The following PPP1R9A variants were observed in gnomAD, a reference collection of about 807,000 sequenced individuals.
PPP1R9A encodes the protein neurabin-1.
A neutral mutation model predicts 141.9 loss-of-function variants in PPP1R9A; 59 were observed. That is an observed-to-expected ratio of 0.42 (90% confidence interval 0.34 to 0.52). The LOEUF is 0.52. Ranked by LOEUF, PPP1R9A falls within the 20% of genes least tolerant of loss-of-function variation. The pLI is 0.10. For synonymous variants in PPP1R9A, 500 were observed against 569.7 expected (o/e 0.88, Z 1.74); for missense variants, 1,444 against 1,611.9 (o/e 0.90, Z 1.78).
At chr7:95,161,729 G>A in intron 4 of PPP1R9A, 138 bp from the exon 5 acceptor site, 2 of 565,392 alleles carry the variant, frequency 3.5e-6, no homozygotes, top group South Asian at 5.8e-5. Context: ...AGAACTGACT[G>A]TATGTAAAAG....
intron 2 of PPP1R9A, among the ~76,000 whole-genome samples, chr7:95,002,259 AT>A (rs973254638): frequency 6.6e-6 from 1 of 152,188 alleles, no homozygotes; most frequent in Admixed American, 6.5e-5. Context: ...AATATTATAG[AT>A]TAGGATTTAT....
chr7:95,109,669 C>T (rs1028027202), intron 2 of PPP1R9A, among the ~76,000 whole-genome samples: 18 of 151,850 alleles, frequency 1.2e-4, no homozygotes, highest in Admixed American at 7.9e-4. Flanking sequence ...AGTGAGACCT[C>T]GCCTCTAAAA....
chr7:95,114,416 TG>T (rs1584761925), intron 3 of PPP1R9A, among the ~76,000 whole-genome samples: 1 of 152,166 alleles, frequency 6.6e-6, no homozygotes, highest in East Asian at 1.9e-4. Flanking sequence ...TTTAGTATAA[TG>T]GTCACTGAGG....
intron 4 of PPP1R9A, among the ~76,000 whole-genome samples, chr7:95,129,009 T>C (rs1025072462): frequency 2.6e-5 from 4 of 152,228 alleles, no homozygotes; most frequent in African/African-American, 9.7e-5. Context: ...TTAATCCATC[T>C]GGAGTTAAAT....
rs191473764 is a variant in PPP1R9A, at chr7:94,969,003, G to A, written c.1395+57495G>A. ...TTTTTAGCTCCATCAGGTCATTTATGTTCCTCTCTAAACTGGTTATTCTAG... is the reference window on the plus strand; with the variant it reads ...TTTTTAGCTCCATCAGGTCATTTATATTCCTCTCTAAACTGGTTATTCTAG... On this transcript the variant is annotated intron_variant, in intron 2 of 19. Coordinates refer to ENST00000433360, the MANE Select transcript of PPP1R9A (RefSeq NM_001166160.2). Among the ~76,000 whole-genome samples, 231 of 152,062 alleles carry A rather than the reference G, an allele frequency of 1.5e-3. 2 individuals carry two copies. Among genetic ancestry groups the A allele is most frequent in the African/African-American group, 5.0e-3 (207 of 41,490 alleles).
intron 2 of PPP1R9A, among the ~76,000 whole-genome samples, chr7:95,049,585 G>T (rs916622693): frequency 6.6e-6 from 1 of 152,082 alleles, no homozygotes; most frequent in African/African-American, 2.4e-5. Flanking sequence ...TGTTAGTGTT[G>T]TATTTTTCAT....
intron 14 of PPP1R9A, among the ~76,000 whole-genome samples, chr7:95,272,932 A>G (rs1288665793): frequency 6.6e-6 from 1 of 152,238 alleles, no homozygotes; most frequent in Non-Finnish European, 1.5e-5. Flanking sequence ...CATAAAAAAC[A>G]TCAAATTTAA....
chr7:95,258,626 T>C (rs1434698502), intron 12 of PPP1R9A, among the ~76,000 whole-genome samples: 3 of 152,134 alleles, frequency 2.0e-5, no homozygotes, highest in Non-Finnish European at 4.4e-5. Flanking sequence ...GAAAAAAATA[T>C]TGTTGTCCAC....
Position 95,283,115 on chromosome 7 carries a change from T to C in PPP1R9A, c.3297-903T>C, listed in dbSNP as rs1804589294. 2.0e-5 allele frequency among the ~76,000 whole-genome samples: 3 copies of C among 152,194 alleles called. 1 individual carries two copies. The highest frequency in any genetic ancestry group is 6.5e-5 in the Admixed American group (1 of 15,280). ...ACGGCAAGGGTGACCTCTTCCAAGA[T>C]GCACATAAACTGCTGCCTGTTCCTA... On this transcript the variant is annotated intron_variant, in intron 16 of 19. Coordinates refer to ENST00000433360, the MANE Select transcript of PPP1R9A (RefSeq NM_001166160.2).
At chr7:95,052,354 G>T (rs1202138587) in intron 2 of PPP1R9A, among the ~76,000 whole-genome samples, 1 of 152,162 alleles carries the variant, frequency 6.6e-6, no homozygotes, top group Non-Finnish European at 1.5e-5. Context: ...CCTGAAGCAA[G>T]ACTGTGATAG....
chr7:94,975,860 C>A (rs1799391288), intron 2 of PPP1R9A, among the ~76,000 whole-genome samples: 1 of 152,106 alleles, frequency 6.6e-6, no homozygotes, highest in Non-Finnish European at 1.5e-5. Context: ...ACATTTTTAA[C>A]CCCTTCCTCT....
chr7:95,266,443 C>T (rs1801302266), intron 12 of PPP1R9A, among the ~76,000 whole-genome samples: 1 of 151,862 alleles, frequency 6.6e-6, no homozygotes, highest in Non-Finnish European at 1.5e-5. Flanking sequence ...GATTTTATAA[C>T]CCAAAACACC....
chr7:95,018,773 C>G (rs1805468991), intron 2 of PPP1R9A, among the ~76,000 whole-genome samples: 1 of 152,080 alleles, frequency 6.6e-6, no homozygotes, highest in Non-Finnish European at 1.5e-5. Flanking sequence ...TAAGGAGGAC[C>G]AATGCAAACA....
chr7:95,113,556 A>G (rs1410252992), intron 3 of PPP1R9A, among the ~76,000 whole-genome samples: 1 of 152,248 alleles, frequency 6.6e-6, no homozygotes, highest in Non-Finnish European at 1.5e-5. Context: ...ACAAGCAAAT[A>G]TACTTGCAAA....
At chr7:95,240,097 G>C (rs1797238300) in intron 8 of PPP1R9A, among the ~76,000 whole-genome samples, 1 of 151,906 alleles carries the variant, frequency 6.6e-6, no homozygotes, top group Admixed American at 6.6e-5. Flanking sequence ...AATTTGTTAA[G>C]TATTTGTGGA....
chr7:95,026,441 G>C (rs1210271233), intron 2 of PPP1R9A, among the ~76,000 whole-genome samples: 2 of 152,176 alleles, frequency 1.3e-5, no homozygotes, highest in African/African-American at 4.8e-5. Context: ...CCTGTTCCTT[G>C]CTCTGGAAGC....
chr7:94,917,903 C>G (rs1442812276), intron 2 of PPP1R9A, among the ~76,000 whole-genome samples: 1 of 152,172 alleles, frequency 6.6e-6, no homozygotes, highest in Admixed American at 6.5e-5. Context: ...TGATTGAAAT[C>G]TCATCTGCAT....
intron 2 of PPP1R9A, among the ~76,000 whole-genome samples, chr7:95,000,009 A>G (rs891229830): frequency 6.6e-6 from 1 of 151,808 alleles, no homozygotes; most frequent in African/African-American, 2.4e-5. Flanking sequence ...CACCATGTTG[A>G]CTGGGCTGGT....
At chr7:95,148,710 A>G (rs1183377362) in intron 4 of PPP1R9A, among the ~76,000 whole-genome samples, 1 of 151,458 alleles carries the variant, frequency 6.6e-6, no homozygotes, top group Non-Finnish European at 1.5e-5. Flanking sequence ...AAAAAAATTA[A>G]CAACCTTCAA....
Sources: allele counts gnomAD v4.1 joint callset (sites outside exome capture counted in the v4.1 genomes callset), GRCh38; gene constraint gnomAD v4.1.1; transcripts MANE v1.5; gene names NCBI Gene and HGNC (gene_info 2026-07-23, HGNC 2026-07-21).